SLC7A9: variants seen among roughly 807,000 people sequenced by gnomAD.
SLC7A9 encodes the protein solute carrier family 7 member 9, also known as B(0,+)-type amino acid transporter 1.
In SLC7A9, 38 loss-of-function variants were observed where a neutral mutation model predicts 54.1. That is an observed-to-expected ratio of 0.70 (90% confidence interval 0.54 to 0.92). SLC7A9 has a LOEUF of 0.92. Among genes scored for constraint, SLC7A9 ranks in the 40% least tolerant of loss-of-function variants. The pLI, the probability that SLC7A9 is intolerant of heterozygous loss-of-function variation, is 0.00. For synonymous variants in SLC7A9, 264 were observed against 258.9 expected (o/e 1.02, Z -0.19); for missense variants, 537 against 636.1 (o/e 0.84, Z 1.68).
intron 9 of SLC7A9, among the ~76,000 whole-genome samples, chr19:32,846,953 C>T (rs1968316621): frequency 6.6e-6 from 1 of 152,216 alleles, no homozygotes; most frequent in South Asian, 2.1e-4. Context: ...TAGAAAACTC[C>T]AGCAGACCTG....
At chr19:32,830,982 T>C (rs1160870155) in intron 12 of SLC7A9, among the ~76,000 whole-genome samples, 1 of 152,068 alleles carries the variant, frequency 6.6e-6, no homozygotes, top group Non-Finnish European at 1.5e-5. Flanking sequence ...TTTAATCACA[T>C]TCACTTAATA....
chr19:32,843,456 G>C (rs115116323), intron 10 of SLC7A9, among the ~76,000 whole-genome samples: 3 of 151,174 alleles, frequency 2.0e-5, no homozygotes, highest in African/African-American at 7.4e-5. Flanking sequence ...GCAAGACTCC[G>C]TATCAAAAAA....
In SLC7A9 at chr19:32,846,374, C is replaced by T. The variant is rs545425267; in HGVS notation, c.978-2423G>A. 3.6e-4 allele frequency among the ~76,000 whole-genome samples: 55 copies of T among 152,346 alleles called. 1 individual carries two copies. The South Asian group carries it at 9.5e-3, about 26-fold the overall frequency. On this transcript the variant is annotated intron_variant, in intron 9 of 12. Coordinates refer to ENST00000023064, the MANE Select transcript of SLC7A9 (RefSeq NM_014270.5). ...AACGGTGCACCAGGAGATTATATCC[C>T]GCACCTGGCTCGGAGGGTCCTACGC...
rs374200108 is a variant in SLC7A9 at position 32,860,578 on chromosome 19, C to T, written c.749+28G>A. 3 of 1,613,970 alleles carry T rather than the reference C, an allele frequency of 1.9e-6. No individual in the cohort carries two copies. In the African/African-American group the frequency reaches 4.0e-5, roughly 22 times the overall value. Reference sequence around the variant, plus strand: ...GAAGAGAAATCAGGCTGCCCGGCTACTGTCCTCTGCACTGATTCAGCTGTT... The same window carrying T: ...GAAGAGAAATCAGGCTGCCCGGCTATTGTCCTCTGCACTGATTCAGCTGTT... On this transcript the variant is annotated intron_variant, in intron 7 of 12. Transcript: ENST00000023064.
intron 8 of SLC7A9, among the ~76,000 whole-genome samples, chr19:32,859,056 G>A (rs745593718): frequency 6.6e-6 from 1 of 151,370 alleles, no homozygotes; most frequent in African/African-American, 2.4e-5. Flanking sequence ...CAAAGTGCTG[G>A]GATTACAGGC....
intron 11 of SLC7A9, among the ~76,000 whole-genome samples, chr19:32,836,446 TAAAG>T: frequency 6.6e-6 from 1 of 152,356 alleles, no homozygotes; most frequent in Non-Finnish European, 1.5e-5. Flanking sequence ...TTTGTTTCAT[TAAAG>T]AGAGAGAATG....
intron 9 of SLC7A9, among the ~76,000 whole-genome samples, chr19:32,850,245 C>T (rs1968429693): frequency 6.7e-6 from 1 of 148,904 alleles, no homozygotes; most frequent in Admixed American, 6.7e-5. Context: ...TCAAATTGTC[C>T]CTGTTTGCAG....
chr19:32,832,919 A>G, intron 12 of SLC7A9: 1 of 536,242 alleles, frequency 1.9e-6, no homozygotes, highest in Non-Finnish European at 3.4e-6. Context: ...CAAAAAGAAA[A>G]GAAAATGGTG....
intron 6 of SLC7A9, among the ~76,000 whole-genome samples, chr19:32,861,108 C>A (rs1426279178): frequency 6.6e-6 from 1 of 152,080 alleles, no homozygotes; most frequent in Non-Finnish European, 1.5e-5. Flanking sequence ...GTGGGCAGAT[C>A]ACTTGAAGTC....
chr19:32,849,529 G>A (rs1968402677), intron 9 of SLC7A9, among the ~76,000 whole-genome samples: 1 of 151,776 alleles, frequency 6.6e-6, no homozygotes, highest in African/African-American at 2.4e-5. Context: ...TGAAATTGTG[G>A]CAATAATCAA....
At chr19:32,836,346 G>A (rs1181735467) in intron 11 of SLC7A9, among the ~76,000 whole-genome samples, 1 of 152,200 alleles carries the variant, frequency 6.6e-6, no homozygotes, top group Non-Finnish European at 1.5e-5. Flanking sequence ...ACTGCGCCCG[G>A]CCAGAATTTA....
intron 12 of SLC7A9, 27 bp downstream of exon 12, chr19:32,833,122 C>G (rs1366346941): frequency 6.2e-7 from 1 of 1,612,978 alleles, no homozygotes; most frequent in Admixed American, 1.7e-5. Context: ...CTCACAGAGG[C>G]CAAGCGGCCC....
intron 9 of SLC7A9, among the ~76,000 whole-genome samples, chr19:32,844,857 CAAAAAAA>C (rs386388892): frequency 1.3e-3 from 39 of 30,310 alleles, no homozygotes; most frequent in South Asian, 2.7e-3. Flanking sequence ...GAATCCATCT[CAAAAAAA>C]AAAAAAAAAA....
chr19:32,833,382 A>G, intron 11 of SLC7A9, 59 bp from the exon 12 acceptor site: 1 of 1,528,332 alleles, frequency 6.5e-7, no homozygotes. Context: ...TTCATGATAA[A>G]AAACCGATTT....
chr19:32,833,306 G>A lies in SLC7A9; in HGVS notation c.1242C>T (p.Pro414=), dbSNP rs536084711. The A allele has an allele frequency of 2.6e-5, 42 of 1,614,128 alleles. No individual in the cohort carries two copies. The South Asian group carries it at 2.7e-4, about 11-fold the overall frequency. Residue 414 remains proline, a synonymous_variant, in exon 12 of 13, where the codon CCC becomes CCT. Transcript: ENST00000023064. ...ERPIKVPVVI[P]VLMTLISVFL... is the part of the protein sequence containing the mutation. The stretch of plus-strand genomic sequence containing the variant: ...ACACAGAGATGAGTGTCATCAAGAC[G>A]GGAATGACTACGGGCACCTGGAGAC...
chr19:32,861,425 G>T (rs867259232), intron 6 of SLC7A9, among the ~76,000 whole-genome samples: 1 of 152,084 alleles, frequency 6.6e-6, no homozygotes, highest in African/African-American at 2.4e-5. Context: ...TTTTTGTAGG[G>T]CAGTCCCCCA....
At position 32,864,152 on chromosome 19, in the gene SLC7A9, T is replaced by A. The variant is rs766356632; in HGVS notation, c.422A>T (p.Tyr141Phe). 5.0e-6 allele frequency: 8 copies of A among 1,614,010 alleles called. No individual in the cohort carries two copies. Among genetic ancestry groups the A allele is most frequent in the African/African-American group, 4.0e-5 (3 of 74,908 alleles). ...SFSEYVCAPF[Y>F]VGCKPPQIVV... ...GATTTGAGGAGGCTTGCAGCCCACA[T>A]AGAAGGGCGCACACACATACTCGGA... Residue 141 changes from tyrosine (Y) to phenylalanine (F), a missense_variant, in exon 4 of 13, where the codon TAT (tyrosine) becomes TTT (phenylalanine). Coordinates refer to ENST00000023064, the MANE Select transcript of SLC7A9 (RefSeq NM_014270.5).
At chr19:32,862,809 C>T (rs938452960) in intron 4 of SLC7A9, 111 of 338,710 alleles carry the variant, frequency 3.3e-4, no homozygotes, top group Non-Finnish European at 4.9e-4. Context: ...GTAGCTAGGA[C>T]GACAGGTGCA....
rs1417681756 is a variant in SLC7A9 at position 32,858,766 on chromosome 19, A to ATATTTATTTATTTATT, written c.874-224_874-223insAATAAATAAATAAATA. Among the ~76,000 whole-genome samples the ATATTTATTTATTTATT allele has an allele frequency of 7.5e-3, 720 of 95,738 alleles. 8 individuals carry two copies. The highest frequency in any genetic ancestry group is 0.025 in the African/African-American group (670 of 27,038). 62.8% of individuals were successfully genotyped at this position (95,738 alleles called of 152,430 possible). The stretch of plus-strand genomic sequence containing the variant: ...TCTTATCTACTACTCCCTGGCATAA[A>ATATTTATTTATTTATT]TCTTTATTTATTTATTTATTTATTT... On this transcript the variant is annotated intron_variant, in intron 8 of 12. Transcript: ENST00000023064.
Sources: gnomAD v4.1 joint callset for allele counts (sites outside exome capture counted in the v4.1 genomes callset) on GRCh38, gnomAD v4.1.1 for gene constraint, MANE v1.5 for transcripts, NCBI Gene and HGNC (gene_info 2026-07-23, HGNC 2026-07-21) for gene names.